The following DGKB variants were observed in gnomAD, a reference collection of about 807,000 sequenced individuals.
DGKB encodes 90 kDa diacylglycerol kinase.
DGKB carries 67 observed loss-of-function variants against 114.3 expected under a neutral mutation model. That is an observed-to-expected ratio of 0.59 (90% CI 0.48 to 0.72). The LOEUF (loss-of-function observed/expected upper bound fraction) is 0.72, where lower values mean the gene tolerates loss of function less well. DGKB is among the 30% of genes least tolerant of loss of function. The pLI is 0.00. For synonymous variants in DGKB, 398 were observed against 323.1 expected, an observed-to-expected ratio of 1.23 and a Z score of -2.49; for missense variants, 907 against 975.2, an observed-to-expected ratio of 0.93 and a Z score of 0.93.
At chr7:14,440,818 A>G (rs1316361384) in intron 21 of DGKB, among the ~76,000 whole-genome samples, 2 of 152,204 alleles carry the variant, frequency 1.3e-5, no homozygotes, top group Non-Finnish European at 2.9e-5. Flanking sequence ...AAGTGTTTAC[A>G]TCAATGTATA....
intron 25 of DGKB, among the ~76,000 whole-genome samples, chr7:14,158,940 A>T (rs1216837962): frequency 1.3e-5 from 2 of 151,832 alleles, no homozygotes; most frequent in South Asian, 4.1e-4. Flanking sequence ...ATATCTTGAA[A>T]TTTTTTTCCT....
chr7:14,233,002 C>T (rs899345219), intron 23 of DGKB, among the ~76,000 whole-genome samples: 7 of 152,012 alleles, frequency 4.6e-5, no homozygotes, highest in African/African-American at 1.7e-4. Context: ...TCTGAAATAG[C>T]ATTTTGTTTT....
chr7:14,494,900 C>A (rs906524061), intron 20 of DGKB, among the ~76,000 whole-genome samples: 1 of 151,754 alleles, frequency 6.6e-6, no homozygotes, highest in Non-Finnish European at 1.5e-5. Flanking sequence ...CGTGGATCTG[C>A]ATGTTATATG....
intron 23 of DGKB, among the ~76,000 whole-genome samples, chr7:14,230,869 C>A (rs1265059845): frequency 2.0e-5 from 3 of 152,018 alleles, no homozygotes; most frequent in Admixed American, 1.3e-4. Context: ...GGAAGTCTTT[C>A]TTCCTCTCCT....
intron 20 of DGKB, among the ~76,000 whole-genome samples, chr7:14,529,852 T>C (rs1216006288): frequency 6.6e-6 from 1 of 151,816 alleles, no homozygotes; most frequent in East Asian, 1.9e-4. Context: ...TCTTTGGAAT[T>C]CTACACTATA....
At chr7:14,725,841 C>T (rs531545144) in intron 5 of DGKB, among the ~76,000 whole-genome samples, 8 of 152,194 alleles carry the variant, frequency 5.3e-5, no homozygotes, top group African/African-American at 9.6e-5. Context: ...AGCAACCACG[C>T]GCAACCAATA....
At chr7:14,866,746 T>C (rs1282623109) in intron 1 of DGKB, among the ~76,000 whole-genome samples, 2 of 152,178 alleles carry the variant, frequency 1.3e-5, no homozygotes, top group African/African-American at 4.8e-5. Context: ...GGGTAAATAC[T>C]AAGGCACTTG....
chr7:14,519,745 T>C (rs1563385571), intron 20 of DGKB, among the ~76,000 whole-genome samples: 1 of 152,012 alleles, frequency 6.6e-6, no homozygotes, highest in Non-Finnish European at 1.5e-5. Context: ...TACAGCCTTC[T>C]CAGTGGGCAT....
At chr7:14,402,181 T>A (rs1293106051) in intron 21 of DGKB, among the ~76,000 whole-genome samples, 1 of 151,816 alleles carries the variant, frequency 6.6e-6, no homozygotes, top group Non-Finnish European at 1.5e-5. Context: ...CAATCCTTAT[T>A]TTTTAAAAGA....
chr7:14,253,815 C>T (rs930273557), intron 23 of DGKB, among the ~76,000 whole-genome samples: 4 of 152,104 alleles, frequency 2.6e-5, no homozygotes, highest in African/African-American at 9.7e-5. Context: ...CCATTTGTCT[C>T]CCAAATATAC....
chr7:14,626,135 G>A (rs942768088), intron 14 of DGKB, among the ~76,000 whole-genome samples: 1 of 152,170 alleles, frequency 6.6e-6, no homozygotes, highest in Admixed American at 6.5e-5. Flanking sequence ...ATTCTCAGAG[G>A]TAGAGTATTT....
rs547521444 is a variant in DGKB at position 14,272,408 on chromosome 7, T to C, written c.2122+66107A>G. Reference sequence around the variant, plus strand: ...TATAGGTTTGAAGAAAAATCTCATATGATAAAAAAGAAATGCATTTTATAA... The same window carrying C: ...TATAGGTTTGAAGAAAAATCTCATACGATAAAAAAGAAATGCATTTTATAA... On this transcript the variant is annotated intron_variant, in intron 23 of 25. Transcript: ENST00000402815. Among the ~76,000 whole-genome samples the C allele has an allele frequency of 2.0e-5, 3 of 152,352 alleles. No individual in the cohort carries two copies. In the East Asian group the frequency reaches 5.8e-4, roughly 29 times the overall value.
intron 23 of DGKB, among the ~76,000 whole-genome samples, chr7:14,295,179 T>C (rs899326091): frequency 1.3e-5 from 2 of 152,142 alleles, no homozygotes; most frequent in African/African-American, 4.8e-5. Context: ...GAGAATAATA[T>C]ATGTATACAA....
chr7:14,693,962 A>G (rs1823367287), intron 9 of DGKB, 113 bp downstream of exon 9: 1 of 1,237,752 alleles, frequency 8.1e-7, no homozygotes, highest in African/African-American at 1.5e-5. Context: ...AGTTCCAGGC[A>G]CTCACTGCAT....
chr7:14,648,146 G>C (rs1042088925), intron 13 of DGKB, among the ~76,000 whole-genome samples: 6 of 152,240 alleles, frequency 3.9e-5, no homozygotes, highest in African/African-American at 1.4e-4. Flanking sequence ...GCCCACCACA[G>C]CTCAAGGAGG....
intron 23 of DGKB, among the ~76,000 whole-genome samples, chr7:14,239,432 G>A (rs1156703714): frequency 1.3e-5 from 2 of 151,910 alleles, no homozygotes; most frequent in Non-Finnish European, 2.9e-5. Flanking sequence ...TCACATGGCA[G>A]TCTGCCTTGT....
At position 14,624,694 on chromosome 7, in the gene DGKB, ACAAT is replaced by A. The variant is rs1475208333; in HGVS notation, c.1168-3204_1168-3201del. On this transcript the variant is annotated intron_variant, in intron 14 of 25. Transcript: ENST00000402815. ...AGACTAAACAATTGCTTTAGTGTAA[ACAAT>A]CAGAAATAATACAAACAGGCTGCAT... Among the ~76,000 whole-genome samples the A allele has an allele frequency of 2.0e-5, 3 of 152,184 alleles. No homozygotes were observed. In the East Asian group the frequency reaches 5.8e-4, roughly 29 times the overall value.
intron 1 of DGKB, among the ~76,000 whole-genome samples, chr7:14,912,704 G>T (rs1246676628): frequency 2.6e-5 from 4 of 152,114 alleles, no homozygotes; most frequent in African/African-American, 9.7e-5. Context: ...AAATATTGTC[G>T]TGAAAATCTA....
At chr7:14,392,316 G>A (rs1821446154) in intron 21 of DGKB, among the ~76,000 whole-genome samples, 1 of 152,134 alleles carries the variant, frequency 6.6e-6, no homozygotes, top group Non-Finnish European at 1.5e-5. Context: ...TTATCTGGGA[G>A]TTGTCAGTAC....
Sources: gnomAD v4.1 joint callset for allele counts (sites outside exome capture counted in the v4.1 genomes callset) on GRCh38, gnomAD v4.1.1 for gene constraint, MANE v1.5 for transcripts, NCBI Gene and HGNC (gene_info 2026-07-23, HGNC 2026-07-21) for gene names.